ARL15: variants seen among roughly 807,000 people sequenced by gnomAD.
ARL15 encodes ARF like GTPase 15, also known as ADP-ribosylation factor-like protein 15.
A neutral mutation model predicts 25.2 loss-of-function variants in ARL15; 19 were observed. The ratio of observed to expected loss-of-function variants is 0.75; its 90% CI spans 0.53 to 1.10. ARL15 has a LOEUF of 1.10. ARL15 is among the 50% of genes least tolerant of loss of function. ARL15 has a pLI of 0.00. For synonymous variants in ARL15, 94 were observed against 86.8 expected (o/e 1.08, Z -0.46); for missense variants, 220 against 246.0 (o/e 0.89, Z 0.71).
At chr5:53,998,896 G>A (rs765547247) in intron 4 of ARL15, among the ~76,000 whole-genome samples, 5 of 152,222 alleles carry the variant, frequency 3.3e-5, no homozygotes, top group Non-Finnish European at 7.3e-5. Flanking sequence ...GCAGACATGA[G>A]TGGGAGGAGA....
At chr5:54,266,574 G>C (rs1267864169) in intron 1 of ARL15, among the ~76,000 whole-genome samples, 3 of 152,128 alleles carry the variant, frequency 2.0e-5, no homozygotes, top group African/African-American at 7.2e-5. Flanking sequence ...TAAAAGTTTG[G>C]TTATTCAATA....
chr5:54,302,139 G>C (rs113239694), intron 1 of ARL15, among the ~76,000 whole-genome samples: 4 of 152,128 alleles, frequency 2.6e-5, no homozygotes, highest in African/African-American at 9.6e-5. Flanking sequence ...GTTCCCAGAG[G>C]GCCTCTCACA....
intron 1 of ARL15, among the ~76,000 whole-genome samples, chr5:54,216,230 G>A (rs1339660734): frequency 6.6e-6 from 1 of 152,116 alleles, no homozygotes; most frequent in East Asian, 1.9e-4. Flanking sequence ...AAAACTTTAA[G>A]CTACTCTTTC....
chr5:54,108,911 T>C (rs1383978945), intron 4 of ARL15, among the ~76,000 whole-genome samples: 1 of 152,062 alleles, frequency 6.6e-6, no homozygotes, highest in Non-Finnish European at 1.5e-5. Context: ...AAACTCTTCA[T>C]GCACAGAGTA....
rs969328716 is a variant in ARL15 at position 54,157,770 on chromosome 5, C to A, written c.194-3131G>T. 3.3e-5 allele frequency among the ~76,000 whole-genome samples: 5 copies of A among 152,264 alleles called. No individual in the cohort carries two copies. In the East Asian group the frequency reaches 7.7e-4, roughly 24 times the overall value. On this transcript the variant is annotated intron_variant, in intron 2 of 4. Transcript: ENST00000504924. ...CCGACAAAATAGTCGTAAATGTTTT[C>A]TCCAAATAGAACTTGTGTGGTTAGA... is the stretch of plus-strand genomic sequence containing the variant.
chr5:54,113,533 T>C, intron 3 of ARL15, 123 bp from the exon 4 acceptor site: 1 of 895,108 alleles, frequency 1.1e-6, no homozygotes, highest in Non-Finnish European at 1.7e-6. Context: ...AACTCTGTGG[T>C]ATGGATTAAA....
chr5:54,014,834 C>A (rs1453370724), intron 4 of ARL15, among the ~76,000 whole-genome samples: 2 of 152,050 alleles, frequency 1.3e-5, no homozygotes, highest in Non-Finnish European at 2.9e-5. Flanking sequence ...GCTCCTGAAC[C>A]CCTTTAGGGT....
At chr5:54,100,787 A>G (rs1752413027) in intron 4 of ARL15, among the ~76,000 whole-genome samples, 1 of 152,118 alleles carries the variant, frequency 6.6e-6, no homozygotes, top group South Asian at 2.1e-4. Context: ...TTAAGTTGGC[A>G]TTTCTAACCT....
chr5:54,218,983 CTGT>C (rs1756297520), intron 1 of ARL15, among the ~76,000 whole-genome samples: 1 of 101,760 alleles, frequency 9.8e-6, no homozygotes, highest in African/African-American at 3.3e-5. Flanking sequence ...ACTGCTACTG[CTGT>C]TTTTTTTTTT....
chr5:54,272,092 T>C lies in ARL15; in HGVS notation c.48+38340A>G, dbSNP rs912667411. ...CTGAATAGCTAGGCCTATAGGTGTGTGCCACCACTCCTGGCTTTTTTTTTT... is the reference window on the plus strand; with the variant it reads ...CTGAATAGCTAGGCCTATAGGTGTGCGCCACCACTCCTGGCTTTTTTTTTT... On this transcript the variant is annotated intron_variant, in intron 1 of 4. Transcript: ENST00000504924. Among the ~76,000 whole-genome samples the C allele has an allele frequency of 9.3e-5, 13 of 140,054 alleles. 1 individual carries two copies. Among genetic ancestry groups the C allele is most frequent in the African/African-American group, 3.3e-4 (13 of 39,150 alleles). 91.9% of individuals were successfully genotyped at this position (140,054 alleles called of 152,430 possible). A position where few individuals can be genotyped will look rare whatever the true frequency, so the allele number is the denominator to read the frequency against.
chr5:53,917,225 G>A (rs1277176039), intron 4 of ARL15, among the ~76,000 whole-genome samples: 1 of 152,186 alleles, frequency 6.6e-6, no homozygotes, highest in African/African-American at 2.4e-5. Flanking sequence ...CTCATTAAGT[G>A]TGTCTCTGAT....
chr5:54,118,607 T>C (rs1249274760), intron 3 of ARL15, among the ~76,000 whole-genome samples: 1 of 152,194 alleles, frequency 6.6e-6, no homozygotes, highest in African/African-American at 2.4e-5. Flanking sequence ...CTAGCGGGAA[T>C]AAAAGTCTTA....
intron 1 of ARL15, among the ~76,000 whole-genome samples, chr5:54,172,832 C>T (rs1336236873): frequency 6.6e-6 from 1 of 152,036 alleles, no homozygotes; most frequent in Admixed American, 6.6e-5. Context: ...CTATACATAC[C>T]ACTGCCTTTC....
At chr5:54,186,641 T>C (rs1755248793) in intron 1 of ARL15, among the ~76,000 whole-genome samples, 1 of 152,354 alleles carries the variant, frequency 6.6e-6, no homozygotes, top group African/African-American at 2.4e-5. Context: ...CAAGATTAAA[T>C]GTAGCATGTG....
rs373114763 is a variant in ARL15 at position 54,237,405 on chromosome 5, C to T, written c.49-65477G>A. Among the ~76,000 whole-genome samples, 15 of 152,170 alleles carry T rather than the reference C, an allele frequency of 9.9e-5. No individual in the cohort carries two copies. The East Asian group carries it at 2.1e-3, about 22-fold the overall frequency. ...CATGAGAATGGACTAATACAACTTC[C>T]CTATTGGTAGAGAAGTACCCTGAAG... On this transcript the variant is annotated intron_variant, in intron 1 of 4. Transcript: ENST00000504924.
At chr5:54,241,565 G>T (rs1221346659) in intron 1 of ARL15, among the ~76,000 whole-genome samples, 1 of 152,102 alleles carries the variant, frequency 6.6e-6, no homozygotes, top group Non-Finnish European at 1.5e-5. Flanking sequence ...AAATAATAGT[G>T]TTTATTATAT....
At chr5:54,157,032 T>C (rs755123436) in intron 2 of ARL15, among the ~76,000 whole-genome samples, 40 of 152,202 alleles carry the variant, frequency 2.6e-4, no homozygotes, top group Non-Finnish European at 5.1e-4. Context: ...GATGGTGAAA[T>C]CCTGAAAATG....
intron 4 of ARL15, among the ~76,000 whole-genome samples, chr5:53,980,404 C>G (rs1430301708): frequency 6.6e-6 from 1 of 152,174 alleles, no homozygotes; most frequent in Non-Finnish European, 1.5e-5. Flanking sequence ...CAACAAGTGG[C>G]AAACATAAAA....
At chr5:54,150,690 C>T (rs1356870973) in intron 3 of ARL15, among the ~76,000 whole-genome samples, 3 of 151,770 alleles carry the variant, frequency 2.0e-5, no homozygotes, top group Non-Finnish European at 2.9e-5. Flanking sequence ...CCCAGCTACT[C>T]GGGAGGCTGA....
Sources: allele counts gnomAD v4.1 joint callset (sites outside exome capture counted in the v4.1 genomes callset), GRCh38; gene constraint gnomAD v4.1.1; transcripts MANE v1.5; gene names NCBI Gene and HGNC (gene_info 2026-07-23, HGNC 2026-07-21).